Variants in SH3GL3 observed in about 807,000 individuals in gnomAD.
SH3GL3 encodes SH3 domain containing GRB2 like 3, endophilin A3, also known as endophilin-A3.
Under a neutral mutation model 47.7 loss-of-function variants are expected in SH3GL3, and 33 were observed. The observed-to-expected ratio is 0.69, with a 90% CI of 0.52 to 0.92. SH3GL3 has a LOEUF of 0.92. Ranked by LOEUF, SH3GL3 falls within the 40% of genes least tolerant of loss-of-function variation. The pLI, the probability that SH3GL3 is intolerant of heterozygous loss-of-function variation, is 0.00. For missense variants in SH3GL3, 363 were observed against 417.8 expected (o/e 0.87, Z 1.14); for synonymous variants, 155 against 148.8 (o/e 1.04, Z -0.30).
At chr15:83,502,397 A>G (rs1176888962) in intron 1 of SH3GL3, among the ~76,000 whole-genome samples, 1 of 152,246 alleles carries the variant, frequency 6.6e-6, no homozygotes, top group Non-Finnish European at 1.5e-5. Context: ...GGAGAGGCCG[A>G]GGCCTCCACA....
chr15:83,447,641 C>T lies in SH3GL3; in HGVS notation c.45+63C>T. 4 of 1,275,170 alleles carry T rather than the reference C, an allele frequency of 3.1e-6. No homozygotes were observed. Among genetic ancestry groups the T allele is most frequent in the East Asian group, 3.1e-5 (1 of 32,318 alleles). 79.0% of individuals were successfully genotyped at this position (1,275,170 alleles called of 1,614,324 possible). On this transcript the variant is annotated intron_variant, in intron 1 of 8. Coordinates refer to ENST00000427482, the MANE Select transcript of SH3GL3 (RefSeq NM_003027.5). This position sits in a 1 kb window ranked among gnomAD's most constrained non-coding sequence, Gnocchi z 5.1. ...GCGGAGGCTGCGGCCCCCCGAGGCT[C>T]CCGGGCCTTTGGGACTCCTGTTCCC...
intron 2 of SH3GL3, among the ~76,000 whole-genome samples, chr15:83,562,572 A>G (rs1010368841): frequency 2.6e-5 from 4 of 152,180 alleles, no homozygotes; most frequent in Admixed American, 2.0e-4. Flanking sequence ...TTGTTTCCAA[A>G]TTTAGTAATT....
chr15:83,477,858 A>G (rs2151547931), intron 1 of SH3GL3, among the ~76,000 whole-genome samples: 1 of 152,280 alleles, frequency 6.6e-6, no homozygotes, highest in South Asian at 2.1e-4. Context: ...CTATCAGAAG[A>G]CCGCATAGAT....
intron 1 of SH3GL3, among the ~76,000 whole-genome samples, chr15:83,510,276 A>T (rs1443452072): frequency 6.6e-6 from 1 of 152,186 alleles, no homozygotes; most frequent in Admixed American, 6.5e-5. Context: ...TGCTTTATTC[A>T]TGTATGAATA....
chr15:83,500,348 C>T (rs1022741603), intron 1 of SH3GL3, among the ~76,000 whole-genome samples: 3 of 152,210 alleles, frequency 2.0e-5, no homozygotes, highest in African/African-American at 7.2e-5. Context: ...GCTTTGCAGG[C>T]ATTTTTAGGT....
At chr15:83,593,519 A>T (rs1198425344) in intron 8 of SH3GL3, among the ~76,000 whole-genome samples, 1 of 152,198 alleles carries the variant, frequency 6.6e-6, no homozygotes, top group African/African-American at 2.4e-5. Flanking sequence ...CATTCATAAT[A>T]TTCCATTGAT....
chr15:83,571,635 A>G (rs1164533142), intron 4 of SH3GL3, among the ~76,000 whole-genome samples: 1 of 151,880 alleles, frequency 6.6e-6, no homozygotes. Context: ...ACAGGTAATT[A>G]AGTTGTCCAT....
At chr15:83,523,441 C>T (rs528873816) in intron 1 of SH3GL3, among the ~76,000 whole-genome samples, 11 of 152,270 alleles carry the variant, frequency 7.2e-5, no homozygotes, top group Admixed American at 2.0e-4. Context: ...AGGGGCTGAA[C>T]GCCATCTCCC....
chr15:83,553,768 G>T (rs1250763358), intron 1 of SH3GL3, among the ~76,000 whole-genome samples: 1 of 152,076 alleles, frequency 6.6e-6, no homozygotes, highest in Non-Finnish European at 1.5e-5. Context: ...CCCCATTTCT[G>T]TGTTATTATT....
At chr15:83,585,659 A>AG (rs2059935183) in intron 6 of SH3GL3, among the ~76,000 whole-genome samples, 1 of 152,180 alleles carries the variant, frequency 6.6e-6, no homozygotes, top group Admixed American at 6.5e-5. Context: ...AGGATTTAGT[A>AG]GGGGCCAGGC....
chr15:83,627,088 A>G, the SH3GL3 span, among the ~76,000 whole-genome samples: 1 of 152,112 alleles, frequency 6.6e-6, no homozygotes, highest in Non-Finnish European at 1.5e-5. Flanking sequence ...AATGTGGTGG[A>G]CTTTATTATC....
chr15:83,576,760 T>A lies in SH3GL3; in HGVS notation c.624+19T>A. 1 of 1,506,454 alleles carries A rather than the reference T, an allele frequency of 6.6e-7. No homozygotes were observed. Among genetic ancestry groups the A allele is most frequent in the Non-Finnish European group, 9.1e-7 (1 of 1,093,558 alleles). The allele number at this position is 1,506,454 out of a possible 1,614,324, so 93.3% of individuals were successfully genotyped here. A position where few individuals can be genotyped will look rare whatever the true frequency, so the allele number is the denominator to read the frequency against. On this transcript the variant is annotated intron_variant, in intron 6 of 8. Transcript: ENST00000427482. The stretch of plus-strand genomic sequence containing the variant: ...AAATGATGTAAGTATTTAAACCAAA[T>A]AGGAGATTTTAATGTAAATGAATGA...
intron 1 of SH3GL3, among the ~76,000 whole-genome samples, chr15:83,547,356 T>G (rs1176243875): frequency 6.6e-6 from 1 of 152,232 alleles, no homozygotes; most frequent in Non-Finnish European, 1.5e-5. Context: ...AGGGCAGCAC[T>G]GAGTTCCAAT....
chr15:83,586,955 A>G (rs761055100), intron 6 of SH3GL3, 28 bp from the exon 7 acceptor site: 4 of 1,352,680 alleles, frequency 3.0e-6, no homozygotes, highest in East Asian at 2.4e-5. Flanking sequence ...TCGGGCCTCC[A>G]TGGAATAATT....
chr15:83,494,744 T>A (rs1021367858), intron 1 of SH3GL3, among the ~76,000 whole-genome samples: 3 of 152,142 alleles, frequency 2.0e-5, no homozygotes, highest in African/African-American at 7.2e-5. Context: ...GGTTTCACCA[T>A]GTTGGCCAGG....
At chr15:83,466,880 C>T (rs1006186372) in intron 1 of SH3GL3, among the ~76,000 whole-genome samples, 3 of 152,144 alleles carry the variant, frequency 2.0e-5, no homozygotes, top group Admixed American at 6.5e-5. Context: ...ATATCTTTAG[C>T]CTGTTTTCTA....
intron 1 of SH3GL3, among the ~76,000 whole-genome samples, chr15:83,525,619 C>A (rs529870557): frequency 6.6e-6 from 1 of 152,112 alleles, no homozygotes; most frequent in South Asian, 2.1e-4. Flanking sequence ...TGGAGTGTTT[C>A]CCCTGAGTTT....
At position 83,588,780 on chromosome 15, in the gene SH3GL3, A is replaced by G. The variant is rs770381453; in HGVS notation, c.838+9A>G. 2 of 1,427,676 alleles carry G rather than the reference A, an allele frequency of 1.4e-6. No individual in the cohort carries two copies. Among genetic ancestry groups the G allele is most frequent in the East Asian group, 4.5e-5 (2 of 44,006 alleles). 88.4% of individuals were successfully genotyped at this position (1,427,676 alleles called of 1,614,324 possible). A position where few individuals can be genotyped will look rare whatever the true frequency, so the allele number is the denominator to read the frequency against. Reference sequence around the variant, plus strand: ...TGTAGTGAAGACGACAGGTAAGTTGACCATTCTAATATGCTAAGTGTGCCT... The same window carrying G: ...TGTAGTGAAGACGACAGGTAAGTTGGCCATTCTAATATGCTAAGTGTGCCT... On this transcript the variant is annotated intron_variant, in intron 8 of 8. Coordinates refer to ENST00000427482, the MANE Select transcript of SH3GL3 (RefSeq NM_003027.5).
At position 83,588,520 on chromosome 15, in the gene SH3GL3, T is replaced by C. The variant is rs750893809; in HGVS notation, c.729-142T>C. ...TATCACCTCCATCACTTCGGGCTAC[T>C]CAAGAGTCAGTGTGTAAAAATCGTC... On this transcript the variant is annotated intron_variant, in intron 7 of 8. Coordinates refer to ENST00000427482, the MANE Select transcript of SH3GL3 (RefSeq NM_003027.5). 158 of 627,264 alleles carry C rather than the reference T, an allele frequency of 2.5e-4. 1 individual carries two copies. The highest frequency in any genetic ancestry group is 3.5e-4 in the Non-Finnish European group (122 of 344,948). The allele number at this position is 627,264 out of a possible 1,614,324, so 38.9% of individuals were successfully genotyped here.
Sources: allele counts gnomAD v4.1 joint callset (sites outside exome capture counted in the v4.1 genomes callset), GRCh38; gene constraint gnomAD v4.1.1; non-coding constraint Gnocchi (gnomAD v3.1); transcripts MANE v1.5; gene names NCBI Gene and HGNC (gene_info 2026-07-23, HGNC 2026-07-21).